RBFOX2: variants seen among roughly 807,000 people sequenced by gnomAD.
The protein encoded by RBFOX2 is RNA binding protein fox-1 homolog 2.
A neutral mutation model predicts 49.1 loss-of-function variants in RBFOX2; 10 were observed. The ratio of observed to expected loss-of-function variants is 0.20; its 90% CI spans 0.13 to 0.35. The LOEUF (loss-of-function observed/expected upper bound fraction) is 0.35. Ranked by LOEUF, RBFOX2 falls within the 10% of genes least tolerant of loss-of-function variation. RBFOX2 has a pLI of 1.00. For missense variants in RBFOX2, 323 were observed against 486.9 expected (o/e 0.66, Z 3.17); for synonymous variants, 183 against 187.4 (o/e 0.98, Z 0.19).
chr22:35,967,627 C>T (rs1387152922), intron 1 of RBFOX2, among the ~76,000 whole-genome samples: 1 of 152,160 alleles, frequency 6.6e-6, no homozygotes, highest in African/African-American at 2.4e-5. Context: ...TTGCATGACA[C>T]TCAAATATCA....
chr22:35,917,290 T>C (rs370523634), intron 1 of RBFOX2, among the ~76,000 whole-genome samples: 29 of 152,292 alleles, frequency 1.9e-4, no homozygotes, highest in South Asian at 4.1e-4. Flanking sequence ...AGTGTTCCAC[T>C]GTGAAGGGGC....
chr22:36,015,762 C>T (rs758238416), intron 1 of RBFOX2, among the ~76,000 whole-genome samples: 16 of 151,852 alleles, frequency 1.1e-4, no homozygotes, highest in Non-Finnish European at 1.6e-4. Context: ...TTAATCGGGG[C>T]AGGGGGCTAA....
intron 1 of RBFOX2, among the ~76,000 whole-genome samples, chr22:35,975,359 T>C (rs961978490): frequency 5.3e-5 from 8 of 152,224 alleles, no homozygotes; most frequent in Non-Finnish European, 8.8e-5. Flanking sequence ...TTACTAGTCA[T>C]ATGACCTTAA....
chr22:35,856,776 T>TA (rs1047090404), intron 1 of RBFOX2, among the ~76,000 whole-genome samples: 9 of 152,194 alleles, frequency 5.9e-5, no homozygotes, highest in Non-Finnish European at 1.3e-4. Context: ...CTCACACCTG[T>TA]AATCCTAGCA....
intron 6 of RBFOX2, among the ~76,000 whole-genome samples, chr22:35,765,118 A>G (rs1940497601): frequency 6.6e-6 from 1 of 151,298 alleles, no homozygotes; most frequent in African/African-American, 2.4e-5. Context: ...AGAAAGAGCT[A>G]CAGCAGCTGA....
chr22:36,028,208 C>A, intron 1 of RBFOX2, 32 bp downstream of exon 1: 2 of 1,463,328 alleles, frequency 1.4e-6, no homozygotes, highest in South Asian at 1.4e-5. Context: ...CCCACCCCCG[C>A]AATAACTGGG....
intron 1 of RBFOX2, among the ~76,000 whole-genome samples, chr22:35,839,354 T>C (rs1026778215): frequency 2.0e-5 from 3 of 151,006 alleles, no homozygotes; most frequent in African/African-American, 7.3e-5. Flanking sequence ...AGATTAGATA[T>C]TGCCTGGCAT....
intron 1 of RBFOX2, among the ~76,000 whole-genome samples, chr22:36,021,917 T>G (rs968848826): frequency 8.5e-5 from 13 of 152,256 alleles, no homozygotes; most frequent in Non-Finnish European, 1.5e-4. Flanking sequence ...TAGAGGAGAA[T>G]AAGAAGAAAC....
intron 1 of RBFOX2, among the ~76,000 whole-genome samples, chr22:35,908,274 T>C (rs2049349691): frequency 6.6e-6 from 1 of 152,230 alleles, no homozygotes; most frequent in African/African-American, 2.4e-5. Context: ...AGAACAAATG[T>C]TCTTCAACTT....
intron 1 of RBFOX2, chr22:35,993,664 T>TTCA (rs2150120234): frequency 6.6e-6 from 1 of 152,262 alleles, no homozygotes; most frequent in Admixed American, 6.5e-5. Flanking sequence ...AGTGTAGGGC[T>TTCA]AATTTGTTAC....
intron 1 of RBFOX2, among the ~76,000 whole-genome samples, chr22:36,012,225 C>T (rs963427389): frequency 1.3e-5 from 2 of 152,118 alleles, no homozygotes; most frequent in African/African-American, 4.8e-5. Flanking sequence ...TCCTTTTGCT[C>T]CATTCCTCAT....
At chr22:35,911,720 C>T (rs2049855190) in intron 1 of RBFOX2, among the ~76,000 whole-genome samples, 1 of 152,136 alleles carries the variant, frequency 6.6e-6, no homozygotes, top group African/African-American at 2.4e-5. Flanking sequence ...CTGCCTATGA[C>T]TCCATCAACA....
chr22:36,023,567 T>C (rs2059322922), intron 1 of RBFOX2, among the ~76,000 whole-genome samples: 1 of 152,192 alleles, frequency 6.6e-6, no homozygotes, highest in Non-Finnish European at 1.5e-5. Flanking sequence ...CCCCACTACA[T>C]TGTATAGAGC....
chr22:35,914,874 T>C (rs1040033837), intron 1 of RBFOX2, among the ~76,000 whole-genome samples: 1 of 152,236 alleles, frequency 6.6e-6, no homozygotes, highest in African/African-American at 2.4e-5. Context: ...TGTTAACTTC[T>C]GACCTTAATC....
In RBFOX2 at chr22:35,764,509, T is replaced by C. The variant is rs190932063; in HGVS notation, c.607+914A>G. Among the ~76,000 whole-genome samples the C allele has an allele frequency of 2.7e-3, 393 of 143,478 alleles. 4 individuals carry two copies. The highest frequency in any genetic ancestry group is 0.01 in the African/African-American group (384 of 38,386). 94.1% of individuals were successfully genotyped at this position (143,478 alleles called of 152,430 possible). A position where few individuals can be genotyped will look rare whatever the true frequency, so the allele number is the denominator to read the frequency against. ...TGAGGGCAGGAGAATGGCGTGAACC[T>C]GGGAAGCAGAGCTTGCAGTGAGCCT... On this transcript the variant is annotated intron_variant, in intron 6 of 11. Transcript: ENST00000405409.
At chr22:35,866,535 A>G (rs2043698248) in intron 1 of RBFOX2, among the ~76,000 whole-genome samples, 1 of 152,194 alleles carries the variant, frequency 6.6e-6, no homozygotes, top group Admixed American at 6.5e-5. Flanking sequence ...TATCCCTCCC[A>G]CTAAGTACAA....
intron 1 of RBFOX2, among the ~76,000 whole-genome samples, chr22:35,884,963 TTTC>T (rs1437768860): frequency 6.6e-6 from 1 of 152,120 alleles, no homozygotes; most frequent in African/African-American, 2.4e-5. Context: ...GGGAATTTGT[TTTC>T]TTATCTCTTC....
chr22:35,979,191 T>C (rs1603461372), intron 1 of RBFOX2, among the ~76,000 whole-genome samples: 1 of 152,172 alleles, frequency 6.6e-6, no homozygotes, highest in African/African-American at 2.4e-5. Flanking sequence ...GACCCAGATC[T>C]AGACTCTTCA....
intron 1 of RBFOX2, among the ~76,000 whole-genome samples, chr22:35,988,764 C>T (rs777245442): frequency 6.6e-6 from 1 of 152,096 alleles, no homozygotes; most frequent in Admixed American, 6.5e-5. Flanking sequence ...ATTACTGCAA[C>T]GCAATGATGT....
Sources: allele counts gnomAD v4.1 joint callset (sites outside exome capture counted in the v4.1 genomes callset), GRCh38; gene constraint gnomAD v4.1.1; transcripts MANE v1.5; gene names NCBI Gene and HGNC (gene_info 2026-07-23, HGNC 2026-07-21).